The following AMPD3 variants were observed in gnomAD, a reference collection of about 807,000 sequenced individuals.
AMPD3 encodes the protein adenosine monophosphate deaminase 3, also known as AMP deaminase 3.
Under a neutral mutation model 82.3 loss-of-function variants are expected in AMPD3, and 57 were observed. The ratio of observed to expected loss-of-function variants is 0.69; its 90% CI spans 0.56 to 0.86. AMPD3 has a LOEUF of 0.86. AMPD3 is among the 40% of genes least tolerant of loss of function. The pLI is 0.00. For missense variants in AMPD3, 870 were observed against 1,003.8 expected, an observed-to-expected ratio of 0.87 and a Z score of 1.80; for synonymous variants, 381 against 394.7, an observed-to-expected ratio of 0.97 and a Z score of 0.41.
At chr11:10,459,729 G>A (rs1296599923) in intron 1 of AMPD3, among the ~76,000 whole-genome samples, 2 of 152,072 alleles carry the variant, frequency 1.3e-5, no homozygotes, top group African/African-American at 2.4e-5. Context: ...TTATGCTGGG[G>A]ACTGTGAGGA....
At chr11:10,488,091 C>T (rs1226348460) in intron 6 of AMPD3, 1 of 418,214 alleles carries the variant, frequency 2.4e-6, no homozygotes, top group East Asian at 1.6e-4. Flanking sequence ...AGAAAAGCCT[C>T]TGATATGCTC....
upstream of AMPD3, among the ~76,000 whole-genome samples, chr11:10,453,850 G>A (rs1463531300): frequency 6.6e-6 from 1 of 152,104 alleles, no homozygotes; most frequent in Non-Finnish European, 1.5e-5. Context: ...GGCTCCCAAA[G>A]TGCTGGGATT....
intron 2 of AMPD3, chr11:10,476,912 A>G: frequency 2.1e-6 from 2 of 942,076 alleles, no homozygotes; most frequent in Non-Finnish European, 2.5e-6. Flanking sequence ...GAAGCAGTCC[A>G]GTGCATCACT....
intron 7 of AMPD3, chr11:10,494,695 G>A: frequency 2.0e-6 from 2 of 985,372 alleles, no homozygotes; most frequent in South Asian, 4.7e-5. Flanking sequence ...CCTTCACAGG[G>A]GGCCTTGCCA....
chr11:10,496,905 A>G lies in AMPD3; in HGVS notation c.1524A>G (p.Gln508=), dbSNP rs775431961. 8 of 1,614,014 alleles carry G rather than the reference A, an allele frequency of 5.0e-6. No homozygotes were observed. The Admixed American group carries it at 6.7e-5, about 13-fold the overall frequency. ...TTTTCAAGGCCACTATCAACCCCCA[A>G]GATCATCGAGAGCTTCACCTCTTCC... ...LPLFKATINP[Q]DHRELHLFLK... The change falls in exon 10 of 15, where the codon CAA becomes CAG. Residue 508 remains glutamine, a synonymous_variant. Coordinates refer to ENST00000396553, the MANE Select transcript of AMPD3 (RefSeq NM_001025389.2).
At chr11:10,458,611 A>AT (rs1027171540) in intron 1 of AMPD3, among the ~76,000 whole-genome samples, 9 of 151,956 alleles carry the variant, frequency 5.9e-5, no homozygotes, top group Non-Finnish European at 1.3e-4. Flanking sequence ...CTATGTATTA[A>AT]TTTTTTCATT....
intron 2 of AMPD3, among the ~76,000 whole-genome samples, chr11:10,463,264 G>C (rs1422685276): frequency 2.6e-5 from 4 of 152,154 alleles, no homozygotes; most frequent in African/African-American, 9.7e-5. Context: ...TTGACTACTG[G>C]TGTAAAGGCA....
Position 10,488,438 on chromosome 11 carries a change from G to A in AMPD3, c.939+1074G>A, listed in dbSNP as rs1044217005. The A allele has an allele frequency of 3.1e-6, 3 of 983,272 alleles. No individual in the cohort carries two copies. The African/African-American group carries it at 5.3e-5, about 17-fold the overall frequency. 60.9% of individuals were successfully genotyped at this position (983,272 alleles called of 1,614,324 possible). A position where few individuals can be genotyped will look rare whatever the true frequency, so the allele number is the denominator to read the frequency against. On this transcript the variant is annotated intron_variant, in intron 6 of 14. Transcript: ENST00000396553. Reference sequence around the variant, plus strand: ...GGCATTCCAGGTAGAGGCACGTGATGTGCAAATGTCAGGAGGGAGGGATGG... The same window carrying A: ...GGCATTCCAGGTAGAGGCACGTGATATGCAAATGTCAGGAGGGAGGGATGG...
In AMPD3 at chr11:10,493,470, C is replaced by G; in HGVS notation, c.1061C>G (p.Thr354Ser). 6.2e-7 allele frequency: 1 copy of G among 1,614,186 alleles called. No individual in the cohort carries two copies. The highest frequency in any genetic ancestry group is 8.5e-7 in the Non-Finnish European group (1 of 1,180,044). Residue 354 changes from threonine (T) to serine (S), a missense_variant, in exon 7 of 15, where the codon ACC (threonine) becomes AGC (serine). Thr to Ser is a moderately conservative substitution (Grantham distance 58, BLOSUM62 1). Coordinates refer to ENST00000396553, the MANE Select transcript of AMPD3 (RefSeq NM_001025389.2). ...TVAEKRGRKI[T>S]LRQVFDGLHM... is the part of the protein sequence containing the mutation. The stretch of plus-strand genomic sequence containing the variant: ...GCAGAGAAGCGGGGCCGGAAGATCA[C>G]CCTGCGGCAGGTGTTTGACGGCCTG...
chr11:10,454,239 G>A (rs554085146), upstream of AMPD3, among the ~76,000 whole-genome samples: 1 of 152,288 alleles, frequency 6.6e-6, no homozygotes, highest in East Asian at 1.9e-4. Context: ...TTTGGCTTCA[G>A]CAGGACCCTT....
At chr11:10,500,065 C>T in intron 10 of AMPD3, 21 bp from the exon 11 acceptor site, 2 of 1,614,130 alleles carry the variant, frequency 1.2e-6, no homozygotes, top group East Asian at 2.2e-5. Flanking sequence ...TGGCCTGGTG[C>T]TCAGGACCTC....
At chr11:10,473,224 C>T (rs1404021011) in intron 2 of AMPD3, among the ~76,000 whole-genome samples, 2 of 152,088 alleles carry the variant, frequency 1.3e-5, no homozygotes, top group Non-Finnish European at 2.9e-5. Flanking sequence ...GAGCTGAGAT[C>T]GTACCCCTCC....
chr11:10,471,511 T>G (rs578157237), intron 2 of AMPD3, among the ~76,000 whole-genome samples: 92 of 152,266 alleles, frequency 6.0e-4, no homozygotes, highest in Non-Finnish European at 1.1e-3. Context: ...TCAGAGTGAA[T>G]AGGCAACCTT....
chr11:10,480,343 G>A (rs967357024), intron 3 of AMPD3, among the ~76,000 whole-genome samples: 1 of 152,162 alleles, frequency 6.6e-6, no homozygotes, highest in African/African-American at 2.4e-5. Flanking sequence ...ATTTGGCTTC[G>A]TTGTTGGCAG....
At chr11:10,468,783 A>G (rs1564841700) in intron 2 of AMPD3, among the ~76,000 whole-genome samples, 3 of 152,244 alleles carry the variant, frequency 2.0e-5, no homozygotes. Flanking sequence ...GGAAATCATA[A>G]CAAACAGTCT....
chr11:10,465,106 C>T (rs1287000101), intron 2 of AMPD3, among the ~76,000 whole-genome samples: 1 of 152,166 alleles, frequency 6.6e-6, no homozygotes, highest in Non-Finnish European at 1.5e-5. Flanking sequence ...ATTAAATGAG[C>T]GAATACACAA....
At chr11:10,461,986 G>T (rs1005640348) in intron 2 of AMPD3, among the ~76,000 whole-genome samples, 2 of 152,132 alleles carry the variant, frequency 1.3e-5, no homozygotes, top group African/African-American at 4.8e-5. Flanking sequence ...ATTTCCAAAT[G>T]GCATTTCTCT....
chr11:10,484,539 C>G, intron 4 of AMPD3: 1 of 975,212 alleles, frequency 1.0e-6, no homozygotes, highest in Non-Finnish European at 1.2e-6. Context: ...AGGGACTGTT[C>G]TAGACACTCA....
At chr11:10,501,310 C>A (rs777274642) in intron 11 of AMPD3, 160 bp from the exon 12 acceptor site, 22 of 985,178 alleles carry the variant, frequency 2.2e-5, no homozygotes, top group Non-Finnish European at 2.7e-5. Context: ...GGGCCTGGAC[C>A]TCTGCATTTT....
Sources: allele counts gnomAD v4.1 joint callset (sites outside exome capture counted in the v4.1 genomes callset), GRCh38; gene constraint gnomAD v4.1.1; transcripts MANE v1.5; gene names NCBI Gene and HGNC (gene_info 2026-07-23, HGNC 2026-07-21).